ZNF37A: variants seen among roughly 807,000 people sequenced by gnomAD.
ZNF37A encodes zinc finger protein 37a (KOX 21).
In ZNF37A, 10 loss-of-function variants were observed where a neutral mutation model predicts 12.3. That is an observed-to-expected ratio of 0.82 (90% confidence interval 0.50 to 1.38). The LOEUF (loss-of-function observed/expected upper bound fraction) is 1.38, where lower values mean the gene tolerates loss of function less well. Among genes scored for constraint, ZNF37A ranks in the 40% most tolerant of loss-of-function variants. The pLI is 0.00. For missense variants in ZNF37A, 580 were observed against 651.2 expected, an observed-to-expected ratio of 0.89 and a Z score of 1.19; for synonymous variants, 207 against 223.0, an observed-to-expected ratio of 0.93 and a Z score of 0.64.
intron 5 of ZNF37A, among the ~76,000 whole-genome samples, chr10:38,112,756 T>TGGTC (rs1564932048): frequency 2.0e-5 from 1 of 51,222 alleles, no homozygotes; most frequent in African/African-American, 7.8e-5. Context: ...TTTTCTTTTC[T>TGGTC]TTTCTTTTCT....
At chr10:38,109,953 G>C (rs1026239369) in intron 5 of ZNF37A, among the ~76,000 whole-genome samples, 5 of 152,074 alleles carry the variant, frequency 3.3e-5, no homozygotes, top group Non-Finnish European at 5.9e-5. Context: ...TCCCCATCAA[G>C]TTACCATTAA....
rs2067085579 is a variant in ZNF37A at position 38,095,606 on chromosome 10, AT to A, written c.-128del. ...GATGCCCCCATCTTGATCTTACAGA[AT>A]CAGAGGTACAGCCGCGAGAAAGGTC... is the stretch of plus-strand genomic sequence containing the variant. On this transcript the variant is annotated 5_prime_UTR_variant, in exon 3 of 8. The change creates a premature stop within an existing upstream ORF in the 5' untranslated region. Transcript: ENST00000685332. The A allele has an allele frequency of 6.6e-6, 1 of 152,216 alleles. No individual in the cohort carries two copies. The highest frequency in any genetic ancestry group is 2.4e-5 in the African/African-American group (1 of 41,462). The allele number at this position is 152,216 out of a possible 1,614,324, so 9.4% of individuals were successfully genotyped here. A position where few individuals can be genotyped will look rare whatever the true frequency, so the allele number is the denominator to read the frequency against.
rs2069830221 is a variant in ZNF37A at position 38,123,461 on chromosome 10, T to C, written c.*4624T>C. The C allele has an allele frequency of 6.6e-6, 1 of 152,098 alleles. No homozygotes were observed. The allele number at this position is 152,098 out of a possible 1,614,324, so 9.4% of individuals were successfully genotyped here. On this transcript the variant is annotated 3_prime_UTR_variant, in exon 8 of 8. Transcript: ENST00000685332. The stretch of plus-strand genomic sequence containing the variant: ...TATGGCAGAAATATGGGCCTTGATG[T>C]GAGGACAGCATCAATTAATGAGGGA...
At chr10:38,106,971 G>A (rs2068153874) in intron 5 of ZNF37A, among the ~76,000 whole-genome samples, 1 of 152,086 alleles carries the variant, frequency 6.6e-6, no homozygotes, top group Non-Finnish European at 1.5e-5. Context: ...CCTAGCAAGA[G>A]AGGCCAACAT....
At position 38,118,716 on chromosome 10, in the gene ZNF37A, C is replaced by T; in HGVS notation, c.1565C>T (p.Pro522Leu). Residue 522 changes from proline to leucine, a missense_variant, in exon 8 of 8, where the codon CCC (proline) becomes CTC (leucine). Physicochemically the swap from Pro to Leu is moderately conservative, Grantham distance 98. Transcript: ENST00000685332. Reference sequence around the variant, plus strand: ...CATAGAACACACACAGGGGAGAAACCCTATGAATGTAATGTTTGTGGAAAA... The same window carrying T: ...CATAGAACACACACAGGGGAGAAACTCTATGAATGTAATGTTTGTGGAAAA... ...AHHRTHTGEKPYECNVCGKSF... is the reference protein window; with the variant it reads ...AHHRTHTGEKLYECNVCGKSF... 6.2e-7 allele frequency: 1 copy of T among 1,613,796 alleles called. No individual in the cohort carries two copies. Among genetic ancestry groups the T allele is most frequent in the Non-Finnish European group, 8.5e-7 (1 of 1,179,930 alleles).
chr10:38,115,040 T>C (rs999218885), intron 6 of ZNF37A, among the ~76,000 whole-genome samples, 155 bp from the exon 7 acceptor site: 11 of 151,482 alleles, frequency 7.3e-5, no homozygotes, highest in African/African-American at 2.7e-4. Flanking sequence ...AATGTTTTCC[T>C]CTGCCCCCAT....
At chr10:38,115,547 A>G in intron 7 of ZNF37A, 1 of 308,856 alleles carries the variant, frequency 3.2e-6, no homozygotes, top group Non-Finnish European at 6.0e-6. Flanking sequence ...AGATTAATAA[A>G]ATTTTATATA....
At chr10:38,127,102 G>A (rs1435069992), downstream of ZNF37A, among the ~76,000 whole-genome samples, 2 of 152,150 alleles carry the variant, frequency 1.3e-5, no homozygotes, top group Non-Finnish European at 2.9e-5. Flanking sequence ...TAATTCATAT[G>A]ATGGTATTGG....
chr10:38,143,720 G>A (rs903895465), intron 7 of ZNF37A: 2 of 152,224 alleles, frequency 1.3e-5, no homozygotes, highest in African/African-American at 4.8e-5. Flanking sequence ...TTTGACTTAA[G>A]CTCCATGTGA....
At chr10:38,131,952 A>T (rs1390828308) in intron 7 of ZNF37A, among the ~76,000 whole-genome samples, 1 of 152,182 alleles carries the variant, frequency 6.6e-6, no homozygotes, top group Non-Finnish European at 1.5e-5. Flanking sequence ...ATGGTATAGC[A>T]AACAAAATTG....
downstream of ZNF37A, among the ~76,000 whole-genome samples, chr10:38,129,315 A>AAAAAAAAAAAAAAAAAAAAAAAAAAAAAG (rs2069979833): frequency 6.8e-6 from 1 of 147,942 alleles, no homozygotes; most frequent in Non-Finnish European, 1.5e-5. Flanking sequence ...AAAAAAAAAA[A>AAAAAAAAAAAAAAAAAAAAAAAAAAAAAG]AAAAAAACTA....
At chr10:38,103,727 T>C (rs1331735809) in intron 5 of ZNF37A, among the ~76,000 whole-genome samples, 1 of 152,256 alleles carries the variant, frequency 6.6e-6, no homozygotes, top group East Asian at 1.9e-4. Flanking sequence ...GCTTATTTTG[T>C]GACTTTTATA....
At chr10:38,115,730 C>G (rs1362822940) in intron 7 of ZNF37A, 1 of 152,198 alleles carries the variant, frequency 6.6e-6, no homozygotes, top group Non-Finnish European at 1.5e-5. Context: ...TAGCTTTTTA[C>G]CATATTTACC....
downstream of ZNF37A, among the ~76,000 whole-genome samples, chr10:38,125,717 G>T (rs2069915110): frequency 6.6e-6 from 1 of 152,106 alleles, no homozygotes; most frequent in Non-Finnish European, 1.5e-5. Flanking sequence ...TGTTTATGGG[G>T]CTTTTTTGGG....
chr10:38,101,824 T>A (rs1236163130), intron 5 of ZNF37A, among the ~76,000 whole-genome samples: 2 of 44,598 alleles, frequency 4.5e-5, no homozygotes, highest in Non-Finnish European at 9.2e-5. Flanking sequence ...TTTATTTTTC[T>A]TTTTTTTTTT....
intron 5 of ZNF37A, among the ~76,000 whole-genome samples, chr10:38,113,334 T>C (rs2068981288): frequency 1.4e-5 from 2 of 147,158 alleles, no homozygotes; most frequent in African/African-American, 5.0e-5. Context: ...TCCCTCAGCC[T>C]CCCAAGTAGC....
At chr10:38,129,414 G>A (rs1256224882), downstream of ZNF37A, among the ~76,000 whole-genome samples, 1 of 151,584 alleles carries the variant, frequency 6.6e-6, no homozygotes, top group Admixed American at 6.6e-5. Context: ...AGGGCTTGGT[G>A]TACAGATGGC....
At chr10:38,107,799 C>A (rs766754404) in intron 5 of ZNF37A, among the ~76,000 whole-genome samples, 1 of 152,172 alleles carries the variant, frequency 6.6e-6, no homozygotes, top group Non-Finnish European at 1.5e-5. Context: ...ACAAGAAGAG[C>A]TAACGACCCT....
intron 7 of ZNF37A, among the ~76,000 whole-genome samples, chr10:38,146,058 C>T (rs963722057): frequency 6.6e-6 from 1 of 152,152 alleles, no homozygotes; most frequent in African/African-American, 2.4e-5. Flanking sequence ...CAAGATCATA[C>T]CATTGCACTC....
Sources: gnomAD v4.1 joint callset for allele counts (sites outside exome capture counted in the v4.1 genomes callset) on GRCh38, gnomAD v4.1.1 for gene constraint, MANE v1.5 for transcripts, NCBI Gene and HGNC (gene_info 2026-07-23, HGNC 2026-07-21) for gene names.